POU6F2: variants seen among roughly 807,000 people sequenced by gnomAD.
POU6F2 encodes POU class 6 homeobox 2.
A neutral mutation model predicts 71.3 loss-of-function variants in POU6F2; 31 were observed. The ratio of observed to expected loss-of-function variants is 0.43; its 90% CI spans 0.33 to 0.59. POU6F2 has a LOEUF of 0.59. POU6F2 is among the 20% of genes least tolerant of loss of function. The pLI, the probability that POU6F2 is intolerant of heterozygous loss-of-function variation, is 0.04. For missense variants in POU6F2, 783 were observed against 856.8 expected, an observed-to-expected ratio of 0.91 and a Z score of 1.07; for synonymous variants, 347 against 355.7, an observed-to-expected ratio of 0.98 and a Z score of 0.27.
At chr7:39,100,127 G>A (rs1216988304) in intron 2 of POU6F2, among the ~76,000 whole-genome samples, 6 of 152,194 alleles carry the variant, frequency 3.9e-5, no homozygotes, top group Admixed American at 2.0e-4. Flanking sequence ...AATTCATGGA[G>A]TCCTCATTCC....
chr7:39,270,975 A>C (rs1443029340), intron 4 of POU6F2, among the ~76,000 whole-genome samples: 1 of 152,096 alleles, frequency 6.6e-6, no homozygotes, highest in Non-Finnish European at 1.5e-5. Context: ...GTCCTGGCCC[A>C]GTTAGCTTTG....
At chr7:39,215,569 A>G (rs1794223545) in intron 4 of POU6F2, among the ~76,000 whole-genome samples, 1 of 152,178 alleles carries the variant, frequency 6.6e-6, no homozygotes, top group South Asian at 2.1e-4. Flanking sequence ...CATTTGTTCA[A>G]TGAATATTTA....
chr7:39,353,054 C>G (rs976797503), intron 5 of POU6F2, among the ~76,000 whole-genome samples: 14 of 152,344 alleles, frequency 9.2e-5, no homozygotes, highest in African/African-American at 3.4e-4. Context: ...TTCAAAAACA[C>G]CTGCCCTTTC....
At chr7:39,163,187 A>G (rs1469112132) in intron 2 of POU6F2, among the ~76,000 whole-genome samples, 1 of 152,234 alleles carries the variant, frequency 6.6e-6, no homozygotes, top group Non-Finnish European at 1.5e-5. Context: ...TGGACAATTA[A>G]TTAGATAATT....
At chr7:39,364,449 A>C (rs1786456765) in intron 5 of POU6F2, among the ~76,000 whole-genome samples, 1 of 152,108 alleles carries the variant, frequency 6.6e-6, no homozygotes, top group East Asian at 1.9e-4. Context: ...CCCACAGTCC[A>C]TTGTATCATT....
At chr7:39,217,095 C>T (rs1486982913) in intron 4 of POU6F2, among the ~76,000 whole-genome samples, 1 of 152,028 alleles carries the variant, frequency 6.6e-6, no homozygotes, top group Non-Finnish European at 1.5e-5. Flanking sequence ...AGGCCATATC[C>T]ACAACATAAT....
At chr7:39,379,953 G>A (rs1731370586) in intron 5 of POU6F2, among the ~76,000 whole-genome samples, 1 of 152,048 alleles carries the variant, frequency 6.6e-6, no homozygotes, top group Non-Finnish European at 1.5e-5. Flanking sequence ...TTTCAAGCAG[G>A]GAAATGTATT....
intron 2 of POU6F2, among the ~76,000 whole-genome samples, chr7:39,202,234 T>C (rs1432004964): frequency 6.6e-6 from 1 of 152,156 alleles, no homozygotes; most frequent in Admixed American, 6.5e-5. Flanking sequence ...TCCTAAACAT[T>C]ACAATGGCAT....
intron 6 of POU6F2, among the ~76,000 whole-genome samples, chr7:39,416,461 C>A (rs959797949): frequency 2.0e-5 from 3 of 152,160 alleles, no homozygotes; most frequent in African/African-American, 7.2e-5. Context: ...CCCAGTGAAT[C>A]TTCTGTTGTG....
intron 4 of POU6F2, among the ~76,000 whole-genome samples, chr7:39,260,347 A>G (rs1369621873): frequency 6.7e-6 from 1 of 149,800 alleles, no homozygotes; most frequent in Non-Finnish European, 1.5e-5. Context: ...CACTCTATAC[A>G]CATACAACAC....
chr7:39,176,126 A>G (rs1378974334), intron 2 of POU6F2, among the ~76,000 whole-genome samples: 1 of 152,174 alleles, frequency 6.6e-6, no homozygotes, highest in Non-Finnish European at 1.5e-5. Flanking sequence ...ACTCCGCCAA[A>G]TAACCACCCC....
At chr7:39,374,898 A>G (rs894657876) in intron 5 of POU6F2, among the ~76,000 whole-genome samples, 22 of 152,220 alleles carry the variant, frequency 1.4e-4, no homozygotes, top group Admixed American at 1.4e-3. Context: ...AGGGAAGTGG[A>G]AAGAGTAAAA....
At chr7:39,405,572 G>GA (rs1186105697) in intron 5 of POU6F2, among the ~76,000 whole-genome samples, 8 of 151,908 alleles carry the variant, frequency 5.3e-5, no homozygotes, top group Non-Finnish European at 1.2e-4. Flanking sequence ...ACTATATGGG[G>GA]AAAAAAATAA....
At chr7:39,390,166 C>T (rs1787037134) in intron 5 of POU6F2, among the ~76,000 whole-genome samples, 1 of 152,106 alleles carries the variant, frequency 6.6e-6, no homozygotes, top group Admixed American at 6.6e-5. Flanking sequence ...GAGGCTGAGG[C>T]AGGTGGATCA....
chr7:39,317,578 C>T (rs1785295323), intron 4 of POU6F2, among the ~76,000 whole-genome samples: 1 of 152,146 alleles, frequency 6.6e-6, no homozygotes, highest in Non-Finnish European at 1.5e-5. Flanking sequence ...TTATCTTAGA[C>T]AAAATGGTTA....
At chr7:39,038,978 G>A (rs1303086569) in intron 1 of POU6F2, among the ~76,000 whole-genome samples, 1 of 151,906 alleles carries the variant, frequency 6.6e-6, no homozygotes, top group Non-Finnish European at 1.5e-5. Context: ...TGCTTATGAA[G>A]TGCTCTTAGT....
chr7:39,240,336 C>T (rs1312702876), intron 4 of POU6F2, among the ~76,000 whole-genome samples: 3 of 152,254 alleles, frequency 2.0e-5, no homozygotes, highest in Middle Eastern at 3.4e-3. Flanking sequence ...AGGGCAGTGG[C>T]TCTGAGTACC....
At chr7:39,120,263 G>A (rs897247733) in intron 2 of POU6F2, among the ~76,000 whole-genome samples, 3 of 152,180 alleles carry the variant, frequency 2.0e-5, no homozygotes, top group Non-Finnish European at 4.4e-5. Flanking sequence ...TTTGGCCTCT[G>A]AAAGTGCTGG....
rs115121696 is a variant in POU6F2 at position 38,997,162 on chromosome 7, T to G, written c.105+19104T>G. Among the ~76,000 whole-genome samples the G allele has an allele frequency of 7.8e-3, 1,182 of 152,332 alleles. 17 individuals are homozygous for G. The highest frequency in any genetic ancestry group is 0.027 in the African/African-American group (1,114 of 41,560). On this transcript the variant is annotated intron_variant, in intron 1 of 9. Transcript: ENST00000518318. ...AGATTTCCACCTGCTCTGTGTTGAC[T>G]TTGTTCACTATTGAGCCAGATTCTG... is the stretch of plus-strand genomic sequence containing the variant.
Sources: allele counts gnomAD v4.1 joint callset (sites outside exome capture counted in the v4.1 genomes callset), GRCh38; gene constraint gnomAD v4.1.1; transcripts MANE v1.5; gene names NCBI Gene and HGNC (gene_info 2026-07-23, HGNC 2026-07-21).